The following GLIS3 variants were observed in gnomAD, a reference collection of about 807,000 sequenced individuals.
GLIS3 encodes GLIS family zinc finger 3, also known as zinc finger protein GLIS3.
GLIS3 carries 53 observed loss-of-function variants against 78.6 expected under a neutral mutation model. The observed-to-expected ratio is 0.67, with a 90% CI of 0.54 to 0.85. The LOEUF (loss-of-function observed/expected upper bound fraction) is 0.85, where lower values mean the gene tolerates loss of function less well. GLIS3 is among the 40% of genes least tolerant of loss of function. The pLI is 0.00. For missense variants in GLIS3, 1,703 were observed against 1,231.1 expected (o/e 1.38, Z -5.74); for synonymous variants, 684 against 509.9 (o/e 1.34, Z -4.60).
intron 2 of GLIS3, among the ~76,000 whole-genome samples, chr9:4,326,257 T>C (rs1306338911): frequency 6.6e-6 from 1 of 152,128 alleles, no homozygotes; most frequent in East Asian, 1.9e-4. Context: ...TATACACCAA[T>C]GTTCACAGCA....
chr9:4,311,064 C>T (rs1186299717), intron 2 of GLIS3, among the ~76,000 whole-genome samples: 1 of 152,168 alleles, frequency 6.6e-6, no homozygotes, highest in Non-Finnish European at 1.5e-5. Context: ...AATCCGAAAG[C>T]CAGAGTGTCT....
intron 2 of GLIS3, among the ~76,000 whole-genome samples, chr9:4,138,185 C>T (rs1231414317): frequency 6.6e-6 from 1 of 152,142 alleles, no homozygotes; most frequent in African/African-American, 2.4e-5. Context: ...AATTATTATA[C>T]TTACTGTGGA....
intron 4 of GLIS3, among the ~76,000 whole-genome samples, chr9:3,952,928 C>T (rs766662819): frequency 9.2e-5 from 14 of 152,150 alleles, no homozygotes; most frequent in Non-Finnish European, 1.8e-4. Flanking sequence ...CTGATAATCC[C>T]AGCCCAGCTT....
At chr9:4,408,296 G>A in the GLIS3 span, among the ~76,000 whole-genome samples, 1 of 152,030 alleles carries the variant, frequency 6.6e-6, no homozygotes. Context: ...TCAGTATATC[G>A]AGGAGCTATC....
intron 8 of GLIS3, among the ~76,000 whole-genome samples, chr9:3,858,177 T>C (rs1819913256): frequency 6.6e-6 from 1 of 152,202 alleles, no homozygotes; most frequent in Non-Finnish European, 1.5e-5. Context: ...TGCAACTTGC[T>C]CTAGATGGTT....
chr9:3,932,338 G>GA lies in GLIS3; in HGVS notation c.1983+21dup, dbSNP rs750711319. 7 of 1,555,802 alleles carry GA rather than the reference G, an allele frequency of 4.5e-6. No individual in the cohort carries two copies. The South Asian group carries it at 6.7e-5, about 15-fold the overall frequency. The stretch of plus-strand genomic sequence containing the variant: ...AATCTGAACATGCTTTTCCCGACTG[G>GA]AAGATTCTCTTTTAAAATTACCTTT... On this transcript the variant is annotated intron_variant, in intron 6 of 10. Transcript: ENST00000381971.
chr9:3,831,606 A>G (rs1818048952), intron 9 of GLIS3, among the ~76,000 whole-genome samples: 1 of 152,228 alleles, frequency 6.6e-6, no homozygotes, highest in Non-Finnish European at 1.5e-5. Flanking sequence ...GATTAAGGAA[A>G]TACACTTCTG....
intron 2 of GLIS3, among the ~76,000 whole-genome samples, chr9:4,229,859 C>G (rs921589441): frequency 1.3e-5 from 2 of 152,208 alleles, no homozygotes; most frequent in Non-Finnish European, 2.9e-5. Flanking sequence ...TGTAAACTTA[C>G]TTATTTCTTA....
intron 2 of GLIS3, among the ~76,000 whole-genome samples, chr9:4,317,015 A>G (rs992289122): frequency 3.3e-5 from 5 of 152,222 alleles, no homozygotes; most frequent in African/African-American, 1.2e-4. Flanking sequence ...TTAAGTGAAG[A>G]CTTGCTGTCC....
chr9:4,117,950 G>C lies in GLIS3; in HGVS notation c.1528C>G (p.Leu510Val), dbSNP rs1307693359. The C allele has an allele frequency of 1.9e-6, 3 of 1,613,920 alleles. No individual in the cohort carries two copies. Among genetic ancestry groups the C allele is most frequent in the South Asian group, 1.1e-5 (1 of 91,082 alleles). ...HCCRWIDCSA[L>V]YDQQEELVRH... is the part of the protein sequence containing the mutation. ...ACGAGCTCCTCCTGCTGGTCGTACA[G>C]GGCGCTGCAGTCGATCCAGCGGCAG... Residue 510 changes from leucine (L) to valine (V), a missense_variant, in exon 4 of 11, where the codon CTG becomes GTG. Physicochemically the swap from Leu to Val is conservative, Grantham distance 32 (BLOSUM62 1). Coordinates refer to ENST00000381971, the MANE Select transcript of GLIS3 (RefSeq NM_001042413.2).
At chr9:4,266,601 CA>C (rs1826032455) in intron 2 of GLIS3, among the ~76,000 whole-genome samples, 1 of 83,996 alleles carries the variant, frequency 1.2e-5, no homozygotes, top group African/African-American at 6.5e-5. Flanking sequence ...CGTGTACACA[CA>C]CACACACACA....
intron 1 of GLIS3, among the ~76,000 whole-genome samples, chr9:4,292,824 G>C (rs1816137038): frequency 6.6e-6 from 1 of 152,168 alleles, no homozygotes; most frequent in Non-Finnish European, 1.5e-5. Context: ...AACACACAAT[G>C]TCTTTGAGAA....
chr9:3,906,513 T>C (rs1487575623), intron 6 of GLIS3, among the ~76,000 whole-genome samples: 2 of 152,214 alleles, frequency 1.3e-5, no homozygotes, highest in East Asian at 1.9e-4. Flanking sequence ...AAGGAGCAGG[T>C]TGGAGGTAAA....
At chr9:3,935,650 A>G (rs73641231) in intron 5 of GLIS3, among the ~76,000 whole-genome samples, 28 of 152,332 alleles carry the variant, frequency 1.8e-4, no homozygotes, top group African/African-American at 6.7e-4. Flanking sequence ...TTAATGACGA[A>G]TTGGAAAGTT....
chr9:4,060,624 C>A (rs961827987), intron 4 of GLIS3, among the ~76,000 whole-genome samples: 1 of 152,062 alleles, frequency 6.6e-6, no homozygotes, highest in Non-Finnish European at 1.5e-5. Context: ...CGTTCAGACC[C>A]GTTGCCAGGT....
chr9:4,426,077 T>C, the GLIS3 span, among the ~76,000 whole-genome samples: 1 of 152,172 alleles, frequency 6.6e-6, no homozygotes, highest in Non-Finnish European at 1.5e-5. Context: ...CACAATTTCC[T>C]GAGGTGCCAA....
At chr9:4,139,839 C>T (rs776718693) in intron 2 of GLIS3, among the ~76,000 whole-genome samples, 30 of 152,174 alleles carry the variant, frequency 2.0e-4, no homozygotes, top group Non-Finnish European at 2.9e-4. Flanking sequence ...TGACACGAGG[C>T]GAAGCTTGGG....
At chr9:4,300,641 C>T (rs891370318), upstream of GLIS3, among the ~76,000 whole-genome samples, 1 of 151,840 alleles carries the variant, frequency 6.6e-6, no homozygotes, top group Non-Finnish European at 1.5e-5. Context: ...AGGTATATTC[C>T]CTGCGTATGT....
intron 4 of GLIS3, among the ~76,000 whole-genome samples, chr9:4,035,272 C>T (rs1420371219): frequency 2.6e-5 from 4 of 152,042 alleles, no homozygotes; most frequent in Non-Finnish European, 5.9e-5. Context: ...GTTAGAAGAT[C>T]CTACAGATAG....
Sources: gnomAD v4.1 joint callset for allele counts (sites outside exome capture counted in the v4.1 genomes callset) on GRCh38, gnomAD v4.1.1 for gene constraint, MANE v1.5 for transcripts, NCBI Gene and HGNC (gene_info 2026-07-23, HGNC 2026-07-21) for gene names.